CSK: variants seen among roughly 807,000 people sequenced by gnomAD.
The protein encoded by CSK is tyrosine-protein kinase CSK.
Under a neutral mutation model 62.3 loss-of-function variants are expected in CSK, and 7 were observed. The observed-to-expected ratio is 0.11, with a 90% CI of 0.06 to 0.21. The LOEUF is 0.21. CSK is among the 10% of genes least tolerant of loss of function. The probability of loss-of-function intolerance (pLI) is 1.00; values close to 1 mark genes in which losing one functional copy is unlikely to be tolerated. For synonymous variants in CSK, 237 were observed against 246.0 expected (o/e 0.96, Z 0.34); for missense variants, 294 against 613.5 (o/e 0.48, Z 5.50).
intron 1 of CSK, among the ~76,000 whole-genome samples, chr15:74,787,017 G>T (rs1000237174): frequency 1.3e-5 from 2 of 152,214 alleles, no homozygotes; most frequent in Non-Finnish European, 2.9e-5. Flanking sequence ...TCCGCCCCAA[G>T]ATGCTGGCCT....
At chr15:74,800,320 TG>T in intron 5 of CSK, 91 bp from the exon 6 acceptor site, 1 of 1,114,102 alleles carries the variant, frequency 9.0e-7, no homozygotes, top group Non-Finnish European at 1.3e-6. Flanking sequence ...TAGGCGGGGC[TG>T]GCCTCTGCCG....
At chr15:74,801,446 C>T in intron 9 of CSK, 76 bp from the exon 10 acceptor site, 2 of 1,462,866 alleles carry the variant, frequency 1.4e-6, no homozygotes, top group African/African-American at 2.8e-5. Context: ...TCAACACCCA[C>T]CCGGCCCCAG....
intron 1 of CSK, among the ~76,000 whole-genome samples, chr15:74,795,040 C>T (rs2063683965): frequency 6.6e-6 from 1 of 152,188 alleles, no homozygotes; most frequent in Non-Finnish European, 1.5e-5. Context: ...TGGGCAGGGT[C>T]TGCCTTCCCG....
Position 74,795,143 on chromosome 15 carries a change from G to A in CSK, c.-65-3090G>A, listed in dbSNP as rs559319606. ...TTGCTCAGACTGCTGCATCAACCTG[G>A]GGTGCCTTCCCTGGCCCGCCCTCTG... On this transcript the variant is annotated intron_variant, in intron 1 of 12. Transcript: ENST00000220003. Among the ~76,000 whole-genome samples, 4 of 152,074 alleles carry A rather than the reference G, an allele frequency of 2.6e-5. No individual in the cohort carries two copies. In the East Asian group the frequency reaches 5.8e-4, roughly 22 times the overall value.
At chr15:74,788,237 ACAAG>A (rs1007082069) in intron 1 of CSK, among the ~76,000 whole-genome samples, 1 of 152,098 alleles carries the variant, frequency 6.6e-6, no homozygotes, top group Non-Finnish European at 1.5e-5. Context: ...GGGTATGCAG[ACAAG>A]CAAGAAGTGG....
chr15:74,796,146 A>G (rs988456628), intron 1 of CSK, among the ~76,000 whole-genome samples: 1 of 152,092 alleles, frequency 6.6e-6, no homozygotes, highest in Non-Finnish European at 1.5e-5. Flanking sequence ...TGAACCTGGG[A>G]GGCGGAGGTA....
chr15:74,800,362 A>G (rs994688468), intron 5 of CSK, 50 bp from the exon 6 acceptor site: 6 of 1,551,370 alleles, frequency 3.9e-6, no homozygotes, highest in Non-Finnish European at 5.3e-6. Flanking sequence ...GACGGTGCAT[A>G]TGGGGCACCT....
At position 74,786,443 on chromosome 15, in the gene CSK, G is replaced by A. The variant is rs75649794; in HGVS notation, c.-66+3723G>A. Among the ~76,000 whole-genome samples the A allele has an allele frequency of 1.0e-3, 153 of 152,264 alleles. 2 individuals are homozygous for A. In the East Asian group the frequency reaches 0.024, roughly 24 times the overall value. Reference sequence around the variant, plus strand: ...TAGACAAGGAACCCAGGCATCCTGAGCCCCAGCCCAAGAACAGCCATGCCA... The same window carrying A: ...TAGACAAGGAACCCAGGCATCCTGAACCCCAGCCCAAGAACAGCCATGCCA... On this transcript the variant is annotated intron_variant, in intron 1 of 12. Transcript: ENST00000220003.
intron 1 of CSK, among the ~76,000 whole-genome samples, chr15:74,792,513 C>T (rs899164540): frequency 2.0e-5 from 3 of 152,158 alleles, no homozygotes; most frequent in Admixed American, 6.5e-5. Flanking sequence ...ACACCCAGGA[C>T]GATGTTCCTG....
chr15:74,784,221 C>A (rs1464105930), intron 1 of CSK, among the ~76,000 whole-genome samples: 2 of 151,894 alleles, frequency 1.3e-5, no homozygotes, highest in Non-Finnish European at 2.9e-5. Context: ...TTTGTTTTTT[C>A]ACTTTTTTTT....
intron 9 of CSK, 35 bp downstream of exon 9, chr15:74,801,137 C>T (rs752533008): frequency 6.2e-7 from 1 of 1,611,028 alleles, no homozygotes; most frequent in Non-Finnish European, 8.5e-7. Context: ...CTCAGGCCTT[C>T]CAACTGCCCC....
In CSK at chr15:74,798,358, C is replaced by T; in HGVS notation, c.15+46C>T. 1.3e-6 allele frequency: 2 copies of T among 1,591,850 alleles called. No homozygotes were observed. The highest frequency in any genetic ancestry group is 1.7e-6 in the Non-Finnish European group (2 of 1,166,806). On this transcript the variant is annotated intron_variant, in intron 2 of 12. Coordinates refer to ENST00000220003, the MANE Select transcript of CSK (RefSeq NM_004383.3). This position sits in a 1 kb window ranked among gnomAD's most constrained non-coding sequence, Gnocchi z 6.6. Reference sequence around the variant, plus strand: ...TGGGACATGCAAGCATTCCCACCAGCCCCAGCGGGGTGCTTAGCAGAGGAG... The same window carrying T: ...TGGGACATGCAAGCATTCCCACCAGTCCCAGCGGGGTGCTTAGCAGAGGAG...
chr15:74,787,121 G>A (rs1374738662), intron 1 of CSK, among the ~76,000 whole-genome samples: 2 of 152,164 alleles, frequency 1.3e-5, no homozygotes, highest in African/African-American at 2.4e-5. Context: ...CACCCCCAAC[G>A]CCCGGCAGGG....
At chr15:74,791,135 C>T (rs1192362186) in intron 1 of CSK, among the ~76,000 whole-genome samples, 1 of 152,152 alleles carries the variant, frequency 6.6e-6, no homozygotes, top group Admixed American at 6.5e-5. Context: ...CCTCTGTTAC[C>T]AGTTTCCTCT....
intron 5 of CSK, 86 bp from the exon 6 acceptor site, chr15:74,800,326 C>T (rs1325099279): frequency 8.1e-7 from 1 of 1,241,728 alleles, no homozygotes; most frequent in Middle Eastern, 1.9e-4. Context: ...GGGCTGGCCT[C>T]TGCCGCCCTC....
intron 1 of CSK, among the ~76,000 whole-genome samples, chr15:74,793,890 T>C (rs2141806443): frequency 6.6e-6 from 1 of 151,956 alleles, no homozygotes; most frequent in African/African-American, 2.4e-5. Flanking sequence ...GGCATGGGGA[T>C]GTGGAATGCT....
At chr15:74,796,026 T>C (rs1433270666) in intron 1 of CSK, among the ~76,000 whole-genome samples, 4 of 152,156 alleles carry the variant, frequency 2.6e-5, no homozygotes, top group Non-Finnish European at 2.9e-5. Context: ...AAGACCAGCA[T>C]GGCCAATATG....
rs1567220157 is a variant in CSK, at chr15:74,802,830, C to T, written c.*317C>T. The T allele has an allele frequency of 1.0e-5, 3 of 286,850 alleles. No homozygotes were observed. The highest frequency in any genetic ancestry group is 1.9e-5 in the Non-Finnish European group (3 of 155,088). 17.8% of individuals were successfully genotyped at this position (286,850 alleles called of 1,614,324 possible). ...CTTTCCTTTTTTGAGATTTTTTTTCCGTGTGTTTATTTTTTATTATTTTTC... is the reference window on the plus strand; with the variant it reads ...CTTTCCTTTTTTGAGATTTTTTTTCTGTGTGTTTATTTTTTATTATTTTTC... On this transcript the variant is annotated 3_prime_UTR_variant, in exon 13 of 13. Coordinates refer to ENST00000220003, the MANE Select transcript of CSK (RefSeq NM_004383.3).
chr15:74,798,152 A>G lies in CSK; in HGVS notation c.-65-81A>G, dbSNP rs2063734930. The G allele has an allele frequency of 1.2e-6, 1 of 808,882 alleles. No individual in the cohort carries two copies. 50.1% of individuals were successfully genotyped at this position (808,882 alleles called of 1,614,324 possible). ...CGCAGGACACTCTTGGCACCTGTTCATGCCCAGTGAGGAGCCAGATCTCAG... is the reference window on the plus strand; with the variant it reads ...CGCAGGACACTCTTGGCACCTGTTCGTGCCCAGTGAGGAGCCAGATCTCAG... On this transcript the variant is annotated intron_variant, in intron 1 of 12. Coordinates refer to ENST00000220003, the MANE Select transcript of CSK (RefSeq NM_004383.3). The surrounding 1 kb of genome is among the most constrained non-coding windows in gnomAD (Gnocchi z 6.6).
Sources: allele counts gnomAD v4.1 joint callset (sites outside exome capture counted in the v4.1 genomes callset), GRCh38; gene constraint gnomAD v4.1.1; non-coding constraint Gnocchi (gnomAD v3.1); transcripts MANE v1.5; gene names NCBI Gene and HGNC (gene_info 2026-07-23, HGNC 2026-07-21).